CASK: variants seen among roughly 807,000 people sequenced by gnomAD.
The protein encoded by CASK is calcium/calmodulin dependent serine protein kinase.
CASK carries 4 observed loss-of-function variants against 82.9 expected under a neutral mutation model. That is an observed-to-expected ratio of 0.05 (90% confidence interval 0.02 to 0.11). CASK has a LOEUF of 0.11. Ranked by LOEUF, CASK falls within the 10% of genes least tolerant of loss-of-function variation. The pLI, the probability that CASK is intolerant of heterozygous loss-of-function variation, is 1.00. For synonymous variants in CASK, 259 were observed against 253.5 expected, an observed-to-expected ratio of 1.02 and a Z score of -0.20; for missense variants, 358 against 720.9, an observed-to-expected ratio of 0.50 and a Z score of 5.76.
intron 1 of CASK, 100 bp downstream of exon 1, chrX:41,922,821 AGAGGGGAAG>A: frequency 3.1e-6 from 2 of 635,360 alleles, no homozygotes; most frequent in Non-Finnish European, 2.6e-6. Flanking sequence ...CGAGAGGGGA[AGAGGGGAAG>A]GAGGGAGGGC....
At chrX:41,860,913 G>C (rs1247754523) in intron 1 of CASK, among the ~76,000 whole-genome samples, 1 of 112,240 alleles carries the variant, frequency 8.9e-6, no homozygotes, top group Non-Finnish European at 1.9e-5. Context: ...AAATAGAAGG[G>C]GGAGGTTTAT....
chrX:41,620,321 C>T (rs1452902634), intron 11 of CASK, among the ~76,000 whole-genome samples: 1 of 112,071 alleles, frequency 8.9e-6, no homozygotes, highest in Non-Finnish European at 1.9e-5. Flanking sequence ...CAAAATAACA[C>T]ATTAAATTCT....
At chrX:41,718,381 G>A (rs997772589) in intron 5 of CASK, among the ~76,000 whole-genome samples, 5 of 112,923 alleles carry the variant, frequency 4.4e-5, no homozygotes, top group East Asian at 2.8e-4. Flanking sequence ...ATAGCCTGTC[G>A]GTCAGAAGCA....
In CASK at chrX:41,517,435, C is replaced by A; in HGVS notation, c.*2985G>T. On this transcript the variant is annotated 3_prime_UTR_variant, in exon 27 of 27. Transcript: ENST00000378163. The stretch of plus-strand genomic sequence containing the variant: ...ATGAATTAAATTGAGTGACATTTCC[C>A]TTTTTAGCATTAAAATGGGATATGC... The A allele has an allele frequency of 6.3e-6, 1 of 159,206 alleles. No individual in the cohort carries two copies. The highest frequency in any genetic ancestry group is 1.2e-5 in the Non-Finnish European group (1 of 82,778). 13.1% of individuals were successfully genotyped at this position (159,206 alleles called of 1,213,427 possible). A position where few individuals can be genotyped will look rare whatever the true frequency, so the allele number is the denominator to read the frequency against.
At chrX:41,819,553 T>C (rs1366880546) in intron 2 of CASK, among the ~76,000 whole-genome samples, 1 of 111,162 alleles carries the variant, frequency 9.0e-6, no homozygotes, top group Non-Finnish European at 1.9e-5. Context: ...AGCAATCCAA[T>C]ACAAACATTT....
chrX:41,574,185 G>A (rs1303054936), intron 15 of CASK, among the ~76,000 whole-genome samples: 2 of 110,928 alleles, frequency 1.8e-5, no homozygotes, highest in East Asian at 5.6e-4. Flanking sequence ...TCAGTACTCT[G>A]TCCTATGAAC....
intron 3 of CASK, among the ~76,000 whole-genome samples, chrX:41,749,162 G>A (rs2068744763): frequency 9.3e-6 from 1 of 107,909 alleles, no homozygotes; most frequent in Non-Finnish European, 1.9e-5. Flanking sequence ...GGTGGCCTGC[G>A]CCTGTAGTCC....
chrX:41,586,734 G>A (rs778085751), intron 14 of CASK, 173 bp downstream of exon 14: 18 of 430,646 alleles, frequency 4.2e-5, no homozygotes, highest in Non-Finnish European at 6.5e-5. Flanking sequence ...GTGACACAAA[G>A]TAAACAAAAC....
intron 5 of CASK, among the ~76,000 whole-genome samples, chrX:41,730,503 G>A (rs993464199): frequency 2.5e-4 from 28 of 111,618 alleles, no homozygotes; most frequent in African/African-American, 3.9e-4. Context: ...GTATCAATTC[G>A]TTTATAGTAG....
At chrX:41,669,744 G>T (rs948401830) in intron 6 of CASK, among the ~76,000 whole-genome samples, 2 of 111,717 alleles carry the variant, frequency 1.8e-5, no homozygotes, top group Admixed American at 9.5e-5. Flanking sequence ...GAAATTTAAG[G>T]CCCAGAACAC....
chrX:41,828,235 C>T (rs1226047313), intron 2 of CASK, among the ~76,000 whole-genome samples: 1 of 111,982 alleles, frequency 8.9e-6, no homozygotes, highest in Non-Finnish European at 1.9e-5. Flanking sequence ...GCTGTAAACC[C>T]TTTAACTATC....
intron 3 of CASK, among the ~76,000 whole-genome samples, chrX:41,772,403 G>T (rs183736770): frequency 1.2e-5 from 1 of 81,871 alleles, no homozygotes; most frequent in East Asian, 3.8e-4. Context: ...TCACTGAAAA[G>T]AATAATAAAA....
chrX:41,806,824 T>C (rs904458113), intron 2 of CASK, among the ~76,000 whole-genome samples: 3 of 111,834 alleles, frequency 2.7e-5, no homozygotes, highest in Non-Finnish European at 3.8e-5. Context: ...AGCTACAATA[T>C]TTACAATTTT....
At chrX:41,739,755 A>T (rs2068563133) in intron 4 of CASK, among the ~76,000 whole-genome samples, 1 of 112,600 alleles carries the variant, frequency 8.9e-6, no homozygotes, top group African/African-American at 3.2e-5. Context: ...AGCTTAAAAC[A>T]TGACAATTTT....
At chrX:41,814,740 T>C (rs947097920) in intron 2 of CASK, among the ~76,000 whole-genome samples, 1 of 108,173 alleles carries the variant, frequency 9.2e-6, no homozygotes, top group Non-Finnish European at 1.9e-5. Flanking sequence ...TAAAGTATAA[T>C]AATAAAAAAA....
intron 2 of CASK, among the ~76,000 whole-genome samples, chrX:41,833,480 G>A (rs2070866191): frequency 9.0e-6 from 1 of 111,455 alleles, no homozygotes. Flanking sequence ...CAGAGGCTGG[G>A]AGGGGGGAAA....
intron 16 of CASK, among the ~76,000 whole-genome samples, chrX:41,565,618 C>G (rs1468070139): frequency 1.8e-5 from 2 of 111,373 alleles, no homozygotes; most frequent in African/African-American, 6.5e-5. Context: ...AAAAAAAGTC[C>G]AGGACCAGAC....
intron 25 of CASK, chrX:41,529,394 G>GGCA (rs755134493): frequency 2.1e-4 from 37 of 177,727 alleles, no homozygotes; most frequent in Non-Finnish European, 3.3e-4. Flanking sequence ...CAGCAGCAGC[G>GGCA]GCAGCAGCAG....
intron 1 of CASK, among the ~76,000 whole-genome samples, chrX:41,869,328 G>A (rs1192290327): frequency 4.5e-5 from 5 of 111,467 alleles, no homozygotes. Context: ...ACCTGGCCTC[G>A]CATGGACTTG....
Sources: gnomAD v4.1 joint callset for allele counts (sites outside exome capture counted in the v4.1 genomes callset) on GRCh38, gnomAD v4.1.1 for gene constraint, MANE v1.5 for transcripts, NCBI Gene and HGNC (gene_info 2026-07-23, HGNC 2026-07-21) for gene names.